Variants in SEMA3A observed in about 807,000 individuals in gnomAD.
SEMA3A encodes semaphorin 3A.
Under a neutral mutation model 97.9 loss-of-function variants are expected in SEMA3A, and 29 were observed. The ratio of observed to expected loss-of-function variants is 0.30; its 90% confidence interval spans 0.22 to 0.40. SEMA3A has a LOEUF of 0.40. SEMA3A is among the 10% of genes least tolerant of loss of function. SEMA3A has a pLI of 1.00. For missense variants in SEMA3A, 763 were observed against 951.3 expected, an observed-to-expected ratio of 0.80 and a Z score of 2.60; for synonymous variants, 321 against 323.7, an observed-to-expected ratio of 0.99 and a Z score of 0.09.
chr7:84,458,770 G>C (rs1363868458), intron 1 of SEMA3A, among the ~76,000 whole-genome samples: 1 of 151,898 alleles, frequency 6.6e-6, no homozygotes, highest in African/African-American at 2.4e-5. Context: ...CAGGGTAATG[G>C]GATATCCATC....
At chr7:84,102,653 T>A (rs1408486154) in intron 4 of SEMA3A, among the ~76,000 whole-genome samples, 1 of 146,404 alleles carries the variant, frequency 6.8e-6, no homozygotes, top group Non-Finnish European at 1.5e-5. Context: ...TGATCTTAGC[T>A]CACTGCAACC....
intron 1 of SEMA3A, among the ~76,000 whole-genome samples, chr7:84,441,273 A>C (rs1430894012): frequency 6.6e-6 from 1 of 151,966 alleles, no homozygotes; most frequent in Non-Finnish European, 1.5e-5. Flanking sequence ...AAGTATGCTC[A>C]AAAAACTAAA....
At chr7:84,059,613 G>C (rs548176938) in intron 5 of SEMA3A, among the ~76,000 whole-genome samples, 1 of 151,570 alleles carries the variant, frequency 6.6e-6, no homozygotes, top group Non-Finnish European at 1.5e-5. Context: ...TCATTTTGTT[G>C]TGCTATTAAA....
intron 1 of SEMA3A, among the ~76,000 whole-genome samples, chr7:84,179,475 C>T (rs1797669931): frequency 6.6e-6 from 1 of 152,116 alleles, no homozygotes. Flanking sequence ...TGTTCTCTAC[C>T]TGTAAAACAT....
At chr7:84,277,968 G>A (rs1465427343) in intron 3 of SEMA3A, among the ~76,000 whole-genome samples, 1 of 151,976 alleles carries the variant, frequency 6.6e-6, no homozygotes, top group African/African-American at 2.4e-5. Context: ...TCTGCCAAAT[G>A]GTCAGGCTGC....
At chr7:84,137,400 CAAAA>C (rs59886680) in intron 1 of SEMA3A, among the ~76,000 whole-genome samples, 8 of 100,594 alleles carry the variant, frequency 8.0e-5, no homozygotes, top group Non-Finnish European at 1.1e-4. Context: ...CATTCAGTCT[CAAAA>C]AAAAAAAAAA....
chr7:84,166,651 T>C (rs1797217556), intron 1 of SEMA3A, among the ~76,000 whole-genome samples: 1 of 150,996 alleles, frequency 6.6e-6, no homozygotes, highest in Non-Finnish European at 1.5e-5. Context: ...GGTGGGTGGA[T>C]CACGAGGTCA....
chr7:84,417,753 G>C (rs891713491), intron 1 of SEMA3A, among the ~76,000 whole-genome samples: 1 of 151,996 alleles, frequency 6.6e-6, no homozygotes, highest in Non-Finnish European at 1.5e-5. Context: ...TAGTTCATAA[G>C]CAAAATGCTG....
chr7:84,031,948 T>C (rs1791774300), intron 6 of SEMA3A, among the ~76,000 whole-genome samples: 1 of 152,212 alleles, frequency 6.6e-6, no homozygotes, highest in Admixed American at 6.5e-5. Context: ...CATTGGTATT[T>C]GTGAATTCCA....
At chr7:84,023,872 T>C (rs993681577) in intron 6 of SEMA3A, among the ~76,000 whole-genome samples, 3 of 151,464 alleles carry the variant, frequency 2.0e-5, no homozygotes, top group South Asian at 2.1e-4. Flanking sequence ...GTTAGCCGGG[T>C]GTGGTGGCGG....
At chr7:84,372,255 A>T (rs899903003) in intron 1 of SEMA3A, 2 of 152,016 alleles carry the variant, frequency 1.3e-5, no homozygotes, top group African/African-American at 4.8e-5. Context: ...ACTGCTTTGG[A>T]CATTTCCGGC....
At chr7:84,435,348 G>T (rs1299932342) in intron 1 of SEMA3A, among the ~76,000 whole-genome samples, 1 of 152,120 alleles carries the variant, frequency 6.6e-6, no homozygotes, top group Non-Finnish European at 1.5e-5. Context: ...AGTGGCTCAT[G>T]CCTGTAATCC....
At chr7:84,062,041 G>A (rs539158847) in intron 4 of SEMA3A, among the ~76,000 whole-genome samples, 1 of 152,160 alleles carries the variant, frequency 6.6e-6, no homozygotes, top group South Asian at 2.1e-4. Flanking sequence ...CACATGTAAG[G>A]ATATTTAACC....
chr7:84,219,330 A>G lies in SEMA3A; in HGVS notation c.-82-24662T>C, dbSNP rs1008782507. 1.8e-4 allele frequency among the ~76,000 whole-genome samples: 27 copies of G among 152,296 alleles called. 1 individual carries two copies. The highest frequency in any genetic ancestry group is 7.4e-5 in the Non-Finnish European group (5 of 68,018). Reference sequence around the variant, plus strand: ...CAGAACTACTCCTTAGTATGATATAAGGTGGGAGAACATATCTAAGTGGAT... The same window carrying G: ...CAGAACTACTCCTTAGTATGATATAGGGTGGGAGAACATATCTAAGTGGAT... On this transcript the variant is annotated intron_variant, in intron 3 of 3. Transcript: ENST00000424555.
At chr7:84,474,437 C>G (rs1212302539) in intron 1 of SEMA3A, among the ~76,000 whole-genome samples, 2 of 151,462 alleles carry the variant, frequency 1.3e-5, no homozygotes, top group African/African-American at 4.8e-5. Flanking sequence ...TTGAGGACTG[C>G]TCCTTTTTTT....
intron 3 of SEMA3A, among the ~76,000 whole-genome samples, chr7:84,207,788 G>A (rs912521326): frequency 2.0e-5 from 3 of 152,134 alleles, no homozygotes; most frequent in Admixed American, 6.5e-5. Flanking sequence ...GGTTGGTGGG[G>A]CTGTTGCTAT....
intron 4 of SEMA3A, among the ~76,000 whole-genome samples, chr7:84,080,979 A>C (rs903896596): frequency 3.3e-5 from 5 of 152,034 alleles, no homozygotes; most frequent in African/African-American, 1.2e-4. Flanking sequence ...AAAATAGTAA[A>C]AATAATTAAT....
chr7:84,001,844 A>G (rs933076971), intron 12 of SEMA3A, 111 bp downstream of exon 12: 2 of 533,210 alleles, frequency 3.8e-6, no homozygotes, highest in South Asian at 4.2e-5. Flanking sequence ...CAAGCTAATT[A>G]GAAGGGTATG....
chr7:84,420,690 A>G (rs1398524438), intron 1 of SEMA3A, among the ~76,000 whole-genome samples: 1 of 152,064 alleles, frequency 6.6e-6, no homozygotes, highest in Non-Finnish European at 1.5e-5. Context: ...CAAGCATATC[A>G]TTTAAAGTCT....
Sources: gnomAD v4.1 joint callset for allele counts (sites outside exome capture counted in the v4.1 genomes callset) on GRCh38, gnomAD v4.1.1 for gene constraint, MANE v1.5 for transcripts, NCBI Gene and HGNC (gene_info 2026-07-23, HGNC 2026-07-21) for gene names.